The following MAN2C1 variants were observed in gnomAD, a reference collection of about 807,000 sequenced individuals.
The protein encoded by MAN2C1 is mannosidase alpha class 2C member 1, also known as alpha-mannosidase 2C1.
MAN2C1 carries 111 observed loss-of-function variants against 126.9 expected under a neutral mutation model. That is an observed-to-expected ratio of 0.87 (90% CI 0.75 to 1.02). The LOEUF (loss-of-function observed/expected upper bound fraction) is 1.02. MAN2C1 is among the 50% of genes least tolerant of loss of function. MAN2C1 has a pLI of 0.00. For synonymous variants in MAN2C1, 567 were observed against 561.5 expected (o/e 1.01, Z -0.14); for missense variants, 1,363 against 1,364.4 (o/e 1.00, Z 0.02).
chr15:75,362,735 G>A lies in MAN2C1; in HGVS notation c.804C>T (p.Pro268=). 1 of 1,614,126 alleles carries A rather than the reference G, an allele frequency of 6.2e-7. No individual in the cohort carries two copies. Among genetic ancestry groups the A allele is most frequent in the Non-Finnish European group, 8.5e-7 (1 of 1,179,996 alleles). ...CACATTTCCTCACAGTCTCTTTGAA[G>A]GGCCAAAGCCAGGCTATACGGGGAG... ...HCHIDTAWLW[P]FKETVRKCAR... is the part of the protein sequence containing the mutation. Residue 268 remains proline (P), a synonymous_variant, in exon 7 of 26, where the codon CCC becomes CCT. Transcript: ENST00000267978. This position sits in a 1 kb window ranked among gnomAD's most constrained non-coding sequence, Gnocchi z 4.5.
In MAN2C1 at chr15:75,363,840, G is replaced by A. The variant is rs2072523959; in HGVS notation, c.790+159C>T. The A allele has an allele frequency of 1.1e-5, 8 of 716,124 alleles. No individual in the cohort carries two copies. In the South Asian group the frequency reaches 1.5e-4, roughly 14 times the overall value. The allele number at this position is 716,124 out of a possible 1,614,324, so 44.4% of individuals were successfully genotyped here. On this transcript the variant is annotated intron_variant, in intron 6 of 25. Coordinates refer to ENST00000267978, the MANE Select transcript of MAN2C1 (RefSeq NM_006715.4). ...AAAAAGTGAATCCAAAGCAAGCAGA[G>A]CCCACAGTCCAGCCCCCCGGCCCCG...
At chr15:75,365,938 A>G (rs78792749) in intron 4 of MAN2C1, 1 of 435,270 alleles carries the variant, frequency 2.3e-6, no homozygotes, top group East Asian at 7.7e-5. Flanking sequence ...TAAAAAAAAA[A>G]TAGCTGGACG....
At chr15:75,365,023 C>T (rs1464242919) in intron 4 of MAN2C1, among the ~76,000 whole-genome samples, 3 of 152,126 alleles carry the variant, frequency 2.0e-5, no homozygotes. Context: ...ACTTTTAGAC[C>T]CAAGATCTAA....
At position 75,368,529 on chromosome 15, in the gene MAN2C1, TCTC is replaced by T. The variant is rs776346711; in HGVS notation, c.52_54del (p.Glu18del). On this transcript the variant is annotated inframe_deletion, in exon 1 of 26. Transcript: ENST00000267978. The stretch of plus-strand genomic sequence containing the variant: ...GTAAAGTAGAGCGGCGACACGAACT[TCTC>T]CACCCGCTCCAGCGTGGTGCGCCAG... 1.2e-5 allele frequency: 18 copies of T among 1,555,540 alleles called. 1 individual carries two copies. In the South Asian group the frequency reaches 2.0e-4, roughly 17 times the overall value.
intron 21 of MAN2C1, among the ~76,000 whole-genome samples, chr15:75,357,580 T>C (rs930476170): frequency 6.6e-6 from 1 of 151,420 alleles, no homozygotes; most frequent in African/African-American, 2.4e-5. Flanking sequence ...GTGCTGGGAT[T>C]ATAGGCCTGA....
Position 75,361,735 on chromosome 15 carries a change from G to A in MAN2C1, c.1102-15C>T. On this transcript the variant is annotated splice_polypyrimidine_tract_variant and intron_variant, in intron 9 of 25. Transcript: ENST00000267978. The surrounding 1 kb of genome is among the most constrained non-coding windows in gnomAD (Gnocchi z 5.0). Reference sequence around the variant, plus strand: ...GGCAGCCAGAACTGTGGAGAAAGAGGATCCTGGAGTGCAGGAACCAGAGCT... The same window carrying A: ...GGCAGCCAGAACTGTGGAGAAAGAGAATCCTGGAGTGCAGGAACCAGAGCT... 6.2e-7 allele frequency: 1 copy of A among 1,609,104 alleles called. No individual in the cohort carries two copies. Among genetic ancestry groups the A allele is most frequent in the South Asian group, 1.1e-5 (1 of 90,988 alleles).
rs371767655 is a variant in MAN2C1, at chr15:75,360,112, C to T, written c.1684G>A (p.Ala562Thr). 2.5e-6 allele frequency: 4 copies of T among 1,613,884 alleles called. No homozygotes were observed. In the African/African-American group the frequency reaches 4.0e-5, roughly 16 times the overall value. ...GACCTCCAGAGGTGCTGCAGCTGGG[C>T]TGCTGGGTATAGGAACTGGGCACTG... ...ARSAQFLYPA[A>T]QLQHLWRLLL... The change falls in exon 14 of 26, where the codon GCC becomes ACC. Residue 562 changes from alanine to threonine, a missense_variant. Around this residue, in one of 3 missense-constraint regions of MAN2C1, gnomAD observed 668 missense variants for 650.1 expected, o/e 1.03. Transcript: ENST00000267978.
At chr15:75,358,006 C>G in intron 21 of MAN2C1, 195 bp downstream of exon 21, 1 of 628,476 alleles carries the variant, frequency 1.6e-6, no homozygotes, top group Non-Finnish European at 2.7e-6. Context: ...CCACCCACCT[C>G]GGCCTCCCAA....
Position 75,361,342 on chromosome 15 carries a change from C to T in MAN2C1, c.1258G>A (p.Val420Ile). ...TCGCCAGGTGGGAAGTGGACCAGTA[C>T]ACGGGAGCCATCCAGGCCCTCCCAG... is the stretch of plus-strand genomic sequence containing the variant. The part of the protein sequence containing the change: ...FFWEGLDGSR[V>I]LVHFPPGDSY... Residue 420 changes from valine to isoleucine, a missense_variant, in exon 11 of 26, where the codon GTA becomes ATA. Physicochemically the swap from Val to Ile is conservative, Grantham distance 29. This residue lies in a region of MAN2C1 where 628 missense variants were observed against 609.8 expected (regional missense o/e 1.03). Coordinates refer to ENST00000267978, the MANE Select transcript of MAN2C1 (RefSeq NM_006715.4). The surrounding 1 kb of genome is among the most constrained non-coding windows in gnomAD (Gnocchi z 5.0). The T allele has an allele frequency of 1.3e-6, 2 of 1,567,182 alleles. No homozygotes were observed. The highest frequency in any genetic ancestry group is 1.7e-6 in the Non-Finnish European group (2 of 1,155,460).
chr15:75,364,652 CAT>C lies in MAN2C1; in HGVS notation c.434_435del (p.Tyr145CysfsTer21). 1 of 1,611,254 alleles carries C rather than the reference CAT, an allele frequency of 6.2e-7. No homozygotes were observed. Among genetic ancestry groups the C allele is most frequent in the Non-Finnish European group, 8.5e-7 (1 of 1,178,452 alleles). Reference protein sequence around the residue: ...GERDPRSLTLYVEVACNGLLG... With the variant: ...GERDPRSLTLXVEVACNGLLG... ...AGGAGCCCATTGCAGGCTACTTCCA[CAT>C]AGAGAGTGAGGCTACAAAGATGGGG... On this transcript the variant is annotated frameshift_variant, in exon 5 of 26. Coordinates refer to ENST00000267978, the MANE Select transcript of MAN2C1 (RefSeq NM_006715.4). LOFTEE classifies it high-confidence loss of function.
chr15:75,361,955 T>C lies in MAN2C1; in HGVS notation c.1009-8A>G, dbSNP rs1235029244. The C allele has an allele frequency of 3.1e-6, 5 of 1,610,642 alleles. No individual in the cohort carries two copies. The Admixed American group carries it at 5.0e-5, about 16-fold the overall frequency. On this transcript the variant is annotated splice_region_variant and splice_polypyrimidine_tract_variant and intron_variant, in intron 8 of 25. Transcript: ENST00000267978. This position sits in a 1 kb window ranked among gnomAD's most constrained non-coding sequence, Gnocchi z 5.0. ...ACTGGGCAGGTTCCCATCCTGGCAG[T>C]GAAGGAAGTGGGAGGCAGCCCAGGT... is the stretch of plus-strand genomic sequence containing the variant.
rs752944958 is a variant in MAN2C1 at position 75,364,630 on chromosome 15, A to G, written c.458T>C (p.Leu153Pro). ...CATGCTTCCCTTCCCGGCCCCCAGG[A>G]GCCCATTGCAGGCTACTTCCACATA... is the stretch of plus-strand genomic sequence containing the variant. ...TLYVEVACNG[L>P]LGAGKGSMIA... The change falls in exon 5 of 26, where the codon CTC (leucine) becomes CCC (proline). Residue 153 changes from leucine to proline, a missense_variant. Leu to Pro is a moderately conservative substitution (Grantham distance 98). Transcript: ENST00000267978. 11 of 1,613,254 alleles carry G rather than the reference A, an allele frequency of 6.8e-6. No individual in the cohort carries two copies. The highest frequency in any genetic ancestry group is 1.7e-5 in the Admixed American group (1 of 59,922).
chr15:75,358,964 T>C, intron 18 of MAN2C1, 95 bp downstream of exon 18: 1 of 1,544,278 alleles, frequency 6.5e-7, no homozygotes, highest in South Asian at 1.2e-5. Flanking sequence ...GAGCCACTGG[T>C]GGGCTGCTGT....
chr15:75,367,960 T>G, intron 2 of MAN2C1, 113 bp downstream of exon 2: 1 of 1,358,482 alleles, frequency 7.4e-7, no homozygotes, highest in East Asian at 2.5e-5. Context: ...AGGGTGCTGC[T>G]CGATCCCACG....
Position 75,362,105 on chromosome 15 carries a change from T to A in MAN2C1, c.1009-158A>T. The A allele has an allele frequency of 1.5e-6, 1 of 676,228 alleles. No homozygotes were observed. Among genetic ancestry groups the A allele is most frequent in the Non-Finnish European group, 2.6e-6 (1 of 389,022 alleles). The allele number at this position is 676,228 out of a possible 1,614,324, so 41.9% of individuals were successfully genotyped here. A position where few individuals can be genotyped will look rare whatever the true frequency, so the allele number is the denominator to read the frequency against. On this transcript the variant is annotated intron_variant, in intron 8 of 25. Coordinates refer to ENST00000267978, the MANE Select transcript of MAN2C1 (RefSeq NM_006715.4). This position sits in a 1 kb window ranked among gnomAD's most constrained non-coding sequence, Gnocchi z 4.5. ...AGGGCCCCTGTCCTTCAGGCCTGAC[T>A]GTCCATCTGCCTGAGGGGGTGCCCA... is the stretch of plus-strand genomic sequence containing the variant.
chr15:75,358,449 A>T lies in MAN2C1; in HGVS notation c.2403+13T>A, dbSNP rs1294556518. Reference sequence around the variant, plus strand: ...CACTTGGGGAAAACAGCCACCCCCTACCCCCCGACTACCTCGGTGTGGAAG... The same window carrying T: ...CACTTGGGGAAAACAGCCACCCCCTTCCCCCCGACTACCTCGGTGTGGAAG... On this transcript the variant is annotated intron_variant, in intron 20 of 25. Transcript: ENST00000267978. 6.2e-7 allele frequency: 1 copy of T among 1,612,626 alleles called. No homozygotes were observed. The highest frequency in any genetic ancestry group is 8.5e-7 in the Non-Finnish European group (1 of 1,179,604).
At position 75,364,155 on chromosome 15, in the gene MAN2C1, C is replaced by T. The variant is rs374866022; in HGVS notation, c.634G>A (p.Ala212Thr). Residue 212 changes from alanine (A) to threonine (T), a missense_variant, in exon 6 of 26, where the codon GCC becomes ACC. By Grantham distance (58) the Ala-to-Thr change is moderately conservative. This residue lies in a region of MAN2C1 where 628 missense variants were observed against 609.8 expected (regional missense o/e 1.03). Transcript: ENST00000267978. ...LGKDNQRSFQ[A>T]LYTANQMVNV... is the part of the protein sequence containing the mutation. ...ACCATCTGATTGGCTGTGTACAGGG[C>T]CTGGAAGCTGCGCTGGTTGTCCTTC... The T allele has an allele frequency of 1.2e-5, 20 of 1,612,736 alleles. No individual in the cohort carries two copies. The highest frequency in any genetic ancestry group is 3.3e-4 in the Middle Eastern group (2 of 6,074).
At chr15:75,359,307 C>G (rs768982582) in intron 17 of MAN2C1, 21 bp downstream of exon 17, 2 of 1,575,954 alleles carry the variant, frequency 1.3e-6, no homozygotes, top group Admixed American at 1.7e-5. Flanking sequence ...GTTCCTGCCC[C>G]CCAGGGCATG....
Position 75,368,554 on chromosome 15 carries a change from C to T in MAN2C1, c.30G>A (p.Trp10Ter). The T allele has an allele frequency of 6.4e-7, 1 of 1,552,042 alleles. No homozygotes were observed. The highest frequency in any genetic ancestry group is 2.4e-5 in the East Asian group (1 of 41,234). MAAAPALKH[W>*]RTTLERVEKF... The stretch of plus-strand genomic sequence containing the variant: ...TCTCCACCCGCTCCAGCGTGGTGCG[C>T]CAGTGCTTCAAGGCCGGCGCAGCCG... The change falls in exon 1 of 26, where the codon TGG becomes TGA. Residue 10 changes from tryptophan (W) to a stop codon, truncating the protein, a stop_gained. Coordinates refer to ENST00000267978, the MANE Select transcript of MAN2C1 (RefSeq NM_006715.4). LOFTEE classifies it high-confidence loss of function.
Sources: gnomAD v4.1 joint callset for allele counts (sites outside exome capture counted in the v4.1 genomes callset) on GRCh38, gnomAD v4.1.1 for gene constraint, gnomAD v4.1.1 regional missense constraint, Gnocchi (gnomAD v3.1) non-coding constraint, MANE v1.5 for transcripts, NCBI Gene and HGNC (gene_info 2026-07-23, HGNC 2026-07-21) for gene names.